Variants in MDN1 observed in about 807,000 individuals in gnomAD.
MDN1 encodes the protein midasin AAA ATPase 1.
A neutral mutation model predicts 669.2 loss-of-function variants in MDN1; 266 were observed. The observed-to-expected ratio is 0.40, with a 90% CI of 0.36 to 0.44. The LOEUF is 0.44. Among genes scored for constraint, MDN1 ranks in the 20% least tolerant of loss-of-function variants. MDN1 has a pLI of 1.00. For synonymous variants in MDN1, 2,385 were observed against 2,457.1 expected, an observed-to-expected ratio of 0.97 and a Z score of 0.87; for missense variants, 5,940 against 6,754.0, an observed-to-expected ratio of 0.88 and a Z score of 4.22.
intron 1 of MDN1, among the ~76,000 whole-genome samples, chr6:89,809,156 G>A (rs1768206015): frequency 6.8e-6 from 1 of 146,606 alleles, no homozygotes; most frequent in Non-Finnish European, 1.5e-5. Context: ...GGTTGAGGGT[G>A]CAGTGAGCTG....
chr6:89,788,077 T>C (rs1249072222), intron 7 of MDN1, 120 bp from the exon 8 acceptor site: 2 of 841,686 alleles, frequency 2.4e-6, no homozygotes, highest in East Asian at 2.7e-5. Context: ...TCAGCTCTCA[T>C]AGTCCAAACT....
At chr6:89,802,052 G>A (rs983781876) in intron 2 of MDN1, among the ~76,000 whole-genome samples, 2 of 152,162 alleles carry the variant, frequency 1.3e-5, no homozygotes, top group Non-Finnish European at 2.9e-5. Context: ...GGGGATTTGG[G>A]AGCACAAGTT....
chr6:89,778,721 A>G (rs1470216307), intron 11 of MDN1, among the ~76,000 whole-genome samples: 1 of 151,370 alleles, frequency 6.6e-6, no homozygotes, highest in Admixed American at 6.6e-5. Context: ...CATCTCTACT[A>G]AAAATGCAAA....
At chr6:89,733,805 G>GA (rs1193217231) in intron 33 of MDN1, among the ~76,000 whole-genome samples, 6 of 151,568 alleles carry the variant, frequency 4.0e-5, no homozygotes, top group African/African-American at 1.2e-4. Context: ...AAATGAAAAT[G>GA]AAAAAATCCA....
intron 11 of MDN1, among the ~76,000 whole-genome samples, chr6:89,778,903 T>TAAAC (rs1229786189): frequency 1.3e-4 from 18 of 140,462 alleles, no homozygotes; most frequent in Admixed American, 1.0e-3. Flanking sequence ...AATAAATAAA[T>TAAAC]AAATAAATAA....
chr6:89,790,445 C>G (rs775608618), intron 5 of MDN1, 44 bp from the exon 6 acceptor site: 1 of 1,610,716 alleles, frequency 6.2e-7, no homozygotes, highest in East Asian at 2.2e-5. Flanking sequence ...AGTTCTTCCC[C>G]CAAGGAACCG....
At position 89,740,398 on chromosome 6, in the gene MDN1, A is replaced by G. The variant is rs767848616; in HGVS notation, c.4449-20T>C. On this transcript the variant is annotated intron_variant, in intron 31 of 101. Transcript: ENST00000369393. Reference sequence around the variant, plus strand: ...AGGACACTAAAAGAAAAATTGAAGAACAGTGAAAAGGGCTTATACAATCTT... The same window carrying G: ...AGGACACTAAAAGAAAAATTGAAGAGCAGTGAAAAGGGCTTATACAATCTT... 4.5e-6 allele frequency: 7 copies of G among 1,566,776 alleles called. No homozygotes were observed. The highest frequency in any genetic ancestry group is 6.0e-6 in the Non-Finnish European group (7 of 1,165,714).
In MDN1 at chr6:89,776,695, C is replaced by G. The variant is rs1818374532; in HGVS notation, c.1726G>C (p.Ala576Pro). The G allele has an allele frequency of 6.3e-7, 1 of 1,577,910 alleles. No individual in the cohort carries two copies. Among genetic ancestry groups the G allele is most frequent in the Non-Finnish European group, 8.6e-7 (1 of 1,162,208 alleles). Residue 576 changes from alanine (A) to proline (P), a missense_variant and splice_region_variant, in exon 12 of 102, where the codon GCT (alanine) becomes CCT (proline). Physicochemically the swap from Ala to Pro is conservative, Grantham distance 27. Coordinates refer to ENST00000369393, the MANE Select transcript of MDN1 (RefSeq NM_014611.3). ...LSASLNIFQE[A>P]LDCFTAMLSE... Reference sequence around the variant, plus strand: ...AGCATTGCTGTGAAACAGTCTAGAGCCTATTAAAATAACCAAGGTAAATGC... The same window carrying G: ...AGCATTGCTGTGAAACAGTCTAGAGGCTATTAAAATAACCAAGGTAAATGC...
intron 44 of MDN1, 114 bp from the exon 45 acceptor site, chr6:89,715,883 A>G (rs1814336880): frequency 4.1e-6 from 3 of 732,978 alleles, no homozygotes; most frequent in East Asian, 2.5e-5. Context: ...CGGCACAATC[A>G]TTCACCCAGA....
intron 5 of MDN1, 47 bp downstream of exon 5, chr6:89,793,715 T>G: frequency 3.3e-6 from 5 of 1,501,444 alleles, no homozygotes; most frequent in Non-Finnish European, 4.5e-6. Context: ...GCACACTCAG[T>G]GTTTAGTAGG....
intron 48 of MDN1, 104 bp from the exon 49 acceptor site, chr6:89,712,360 G>C: frequency 9.0e-7 from 1 of 1,105,830 alleles, no homozygotes; most frequent in Non-Finnish European, 1.3e-6. Context: ...TCAAAGGTAA[G>C]AGAGAAAAGG....
intron 15 of MDN1, among the ~76,000 whole-genome samples, chr6:89,769,118 A>G (rs73492594): frequency 0.028 from 4,228 of 152,260 alleles, 212 homozygotes; most frequent in African/African-American, 0.097. Flanking sequence ...GACACATGCA[A>G]AATATATTTA....
At position 89,687,818 on chromosome 6, in the gene MDN1, C is replaced by A. The variant is rs569220963; in HGVS notation, c.11355+260G>T. On this transcript the variant is annotated intron_variant, in intron 67 of 101. Transcript: ENST00000369393. ...TGTGGGCACTCAGTTGGAATGAAGGCCCACCTGGAAGGCTGGGAGGAGTGC... is the reference window on the plus strand; with the variant it reads ...TGTGGGCACTCAGTTGGAATGAAGGACCACCTGGAAGGCTGGGAGGAGTGC... 7.2e-5 allele frequency among the ~76,000 whole-genome samples: 11 copies of A among 152,248 alleles called. No individual in the cohort carries two copies. In the East Asian group the frequency reaches 2.1e-3, roughly 29 times the overall value.
At chr6:89,765,266 C>T (rs1817754485) in intron 15 of MDN1, among the ~76,000 whole-genome samples, 1 of 151,860 alleles carries the variant, frequency 6.6e-6, no homozygotes, top group Admixed American at 6.6e-5. Context: ...TACACACACA[C>T]ACACAAAAAA....
Position 89,648,121 on chromosome 6 carries a change from G to T in MDN1, c.16306C>A (p.His5436Asn). Reference sequence around the variant, plus strand: ...TCACTGAACTGCTCATGAAATGGGTGTAACAGCTTTACAGATTCTCCAAAA... The same window carrying T: ...TCACTGAACTGCTCATGAAATGGGTTTAACAGCTTTACAGATTCTCCAAAA... ...CSFGESVKLLHPFHEQFSDYS... is the reference protein window; with the variant it reads ...CSFGESVKLLNPFHEQFSDYS... The change falls in exon 99 of 102, where the codon CAC (histidine) becomes AAC (asparagine). Residue 5436 changes from histidine to asparagine, a missense_variant. Coordinates refer to ENST00000369393, the MANE Select transcript of MDN1 (RefSeq NM_014611.3). 6.2e-6 allele frequency: 10 copies of T among 1,614,032 alleles called. No homozygotes were observed. Among genetic ancestry groups the T allele is most frequent in the Non-Finnish European group, 8.5e-6 (10 of 1,179,886 alleles).
chr6:89,700,991 T>C, intron 55 of MDN1, 135 bp from the exon 56 acceptor site: 1 of 801,430 alleles, frequency 1.2e-6, no homozygotes, highest in South Asian at 1.9e-5. Context: ...TTTATTTCTG[T>C]TGCTGTCAAG....
At chr6:89,713,689 A>C (rs150051817) in intron 46 of MDN1, among the ~76,000 whole-genome samples, 1 of 152,284 alleles carries the variant, frequency 6.6e-6, no homozygotes, top group Non-Finnish European at 1.5e-5. Flanking sequence ...TTAACTGATA[A>C]ATTACTCAAA....
At chr6:89,746,611 A>AAAGAAAGAAAGAAAG (rs1554191095) in intron 27 of MDN1, among the ~76,000 whole-genome samples, 13 of 40,530 alleles carry the variant, frequency 3.2e-4, no homozygotes, top group African/African-American at 1.0e-3. Context: ...AAAAAAAAAA[A>AAAGAAAGAAAGAAAG]AAAGAAAGAA....
chr6:89,688,052 A>G, intron 67 of MDN1, 26 bp downstream of exon 67: 1 of 1,586,920 alleles, frequency 6.3e-7, no homozygotes, highest in South Asian at 1.1e-5. Flanking sequence ...CACCAACTAA[A>G]ATGAGGAAGA....
Sources: allele counts gnomAD v4.1 joint callset (sites outside exome capture counted in the v4.1 genomes callset), GRCh38; gene constraint gnomAD v4.1.1; transcripts MANE v1.5; gene names NCBI Gene and HGNC (gene_info 2026-07-23, HGNC 2026-07-21).